Variants in PDE10A observed in about 807,000 individuals in gnomAD.
PDE10A encodes phosphodiesterase 10A, also known as cAMP and cAMP-inhibited cGMP 3',5'-cyclic phosphodiesterase 10A.
A neutral mutation model predicts 97.7 loss-of-function variants in PDE10A; 39 were observed. The ratio of observed to expected loss-of-function variants is 0.40; its 90% CI spans 0.31 to 0.52. The LOEUF (loss-of-function observed/expected upper bound fraction) is 0.52, where lower values mean the gene tolerates loss of function less well. Among genes scored for constraint, PDE10A ranks in the 20% least tolerant of loss-of-function variants. PDE10A has a pLI of 0.56. For missense variants in PDE10A, 731 were observed against 1,047.8 expected (o/e 0.70, Z 4.17); for synonymous variants, 371 against 376.8 (o/e 0.98, Z 0.18).
chr6:165,480,379 G>C (rs907000693), intron 3 of PDE10A, among the ~76,000 whole-genome samples: 11 of 151,996 alleles, frequency 7.2e-5, no homozygotes, highest in Non-Finnish European at 1.5e-4. Flanking sequence ...CTTGAGCCCA[G>C]GAGTTCAACA....
chr6:165,895,919 AG>A (rs1267680241), intron 1 of PDE10A, among the ~76,000 whole-genome samples: 1 of 152,116 alleles, frequency 6.6e-6, no homozygotes, highest in Non-Finnish European at 1.5e-5. Context: ...TCCCACCTCC[AG>A]GGATTTGACT....
chr6:165,735,339 T>A (rs1380766499), intron 1 of PDE10A, among the ~76,000 whole-genome samples: 1 of 148,412 alleles, frequency 6.7e-6, no homozygotes, highest in Non-Finnish European at 1.5e-5. Context: ...GGTAGGTTAG[T>A]AGATAGATGG....
At chr6:165,379,616 T>C (rs1033243122) in intron 17 of PDE10A, among the ~76,000 whole-genome samples, 1 of 152,160 alleles carries the variant, frequency 6.6e-6, no homozygotes, top group Non-Finnish European at 1.5e-5. Flanking sequence ...ATAACATCAT[T>C]TACTACCATA....
intron 1 of PDE10A, among the ~76,000 whole-genome samples, chr6:165,724,036 G>A (rs570634604): frequency 1.3e-5 from 2 of 152,284 alleles, no homozygotes; most frequent in South Asian, 4.2e-4. Flanking sequence ...CCAGTTAGTA[G>A]CATGCAATCC....
chr6:165,980,959 G>T (rs572390208), intron 1 of PDE10A, among the ~76,000 whole-genome samples: 1 of 152,024 alleles, frequency 6.6e-6, no homozygotes, highest in Non-Finnish European at 1.5e-5. Context: ...CCTGAGAAAC[G>T]TTTGTTCCAT....
chr6:165,799,727 T>G (rs1263878217), intron 1 of PDE10A, among the ~76,000 whole-genome samples: 1 of 152,194 alleles, frequency 6.6e-6, no homozygotes, highest in African/African-American at 2.4e-5. Flanking sequence ...TTATAACAAA[T>G]AAGTTCAGTA....
At chr6:165,498,153 T>A (rs963265793) in intron 2 of PDE10A, among the ~76,000 whole-genome samples, 1 of 151,856 alleles carries the variant, frequency 6.6e-6, no homozygotes, top group Admixed American at 6.6e-5. Flanking sequence ...GGCTCACAGC[T>A]GTAATCCCAG....
intron 10 of PDE10A, among the ~76,000 whole-genome samples, chr6:165,420,651 A>C (rs966478393): frequency 1.3e-5 from 2 of 152,246 alleles, no homozygotes; most frequent in Non-Finnish European, 2.9e-5. Context: ...TATTTGTTTA[A>C]AATCTGGATC....
chr6:165,633,730 C>A (rs1270936679), intron 1 of PDE10A, among the ~76,000 whole-genome samples: 1 of 151,822 alleles, frequency 6.6e-6, no homozygotes, highest in Non-Finnish European at 1.5e-5. Flanking sequence ...CAGGTTCAAG[C>A]AATTCTCATG....
intron 1 of PDE10A, among the ~76,000 whole-genome samples, chr6:165,730,002 T>A (rs1469762729): frequency 6.6e-6 from 1 of 152,280 alleles, no homozygotes; most frequent in South Asian, 2.1e-4. Flanking sequence ...CACCTGTATA[T>A]CAATCTTGAA....
chr6:165,903,409 G>C (rs1203792832), intron 1 of PDE10A, among the ~76,000 whole-genome samples: 8 of 152,188 alleles, frequency 5.3e-5, no homozygotes, highest in African/African-American at 1.9e-4. Flanking sequence ...AAAGTTGATA[G>C]AACTTCTTTA....
rs528895528 is a variant in PDE10A, at chr6:165,494,572, TAAAG to T, written c.995-12233_995-12230del. The stretch of plus-strand genomic sequence containing the variant: ...TATTTAATAAAGAAGAAATCCAGAA[TAAAG>T]AAAGGTGATCATTTAATGCCTATAT... On this transcript the variant is annotated intron_variant, in intron 2 of 21. Coordinates refer to ENST00000539869, the MANE Select transcript of PDE10A (RefSeq NM_001385079.1). Among the ~76,000 whole-genome samples, 94 of 150,494 alleles carry T rather than the reference TAAAG, an allele frequency of 6.2e-4. 1 individual carries two copies. The highest frequency in any genetic ancestry group is 1.7e-3 in the Admixed American group (25 of 15,078).
intron 1 of PDE10A, among the ~76,000 whole-genome samples, chr6:165,729,723 T>C (rs971757373): frequency 6.6e-6 from 1 of 151,996 alleles, no homozygotes; most frequent in Non-Finnish European, 1.5e-5. Flanking sequence ...AGAGCAAGCT[T>C]TGAAAGTCCT....
At chr6:165,637,641 G>T (rs1245044677) in intron 1 of PDE10A, among the ~76,000 whole-genome samples, 1 of 152,162 alleles carries the variant, frequency 6.6e-6, no homozygotes. Flanking sequence ...ATGTTAAGTG[G>T]CAAAAGGTTC....
chr6:165,638,186 C>A lies in PDE10A; in HGVS notation c.865+23761G>T, dbSNP rs561739840. Reference sequence around the variant, plus strand: ...CCTCTTACTTCCCACCACCCTCCCCCCACCAAAAAAGAAAAGAAAAAGTAT... The same window carrying A: ...CCTCTTACTTCCCACCACCCTCCCCACACCAAAAAAGAAAAGAAAAAGTAT... On this transcript the variant is annotated intron_variant, in intron 1 of 21. Transcript: ENST00000539869. Among the ~76,000 whole-genome samples the A allele has an allele frequency of 2.6e-5, 4 of 152,194 alleles. No homozygotes were observed. The South Asian group carries it at 6.2e-4, about 24-fold the overall frequency.
intron 10 of PDE10A, among the ~76,000 whole-genome samples, chr6:165,422,434 C>CAT (rs558577437): frequency 0.022 from 3,223 of 144,480 alleles, 376 homozygotes; most frequent in African/African-American, 0.075. Context: ...CACACATACG[C>CAT]ATACACACAT....
chr6:165,665,331 C>G (rs765637690), upstream of PDE10A, among the ~76,000 whole-genome samples: 6 of 152,236 alleles, frequency 3.9e-5, no homozygotes, highest in Non-Finnish European at 8.8e-5. Flanking sequence ...CACCCGTGCT[C>G]AGGTGGCTGC....
At chr6:165,600,843 C>A (rs528058180) in intron 1 of PDE10A, among the ~76,000 whole-genome samples, 1 of 151,936 alleles carries the variant, frequency 6.6e-6, no homozygotes, top group Admixed American at 6.5e-5. Flanking sequence ...TCAAGTCAGA[C>A]AGTGGTATTT....
chr6:165,626,244 C>T (rs895159370), intron 1 of PDE10A, among the ~76,000 whole-genome samples: 8 of 152,156 alleles, frequency 5.3e-5, no homozygotes, highest in African/African-American at 1.9e-4. Context: ...ACACAAAAGT[C>T]GAAAATGAAA....
Sources: gnomAD v4.1 joint callset for allele counts (sites outside exome capture counted in the v4.1 genomes callset) on GRCh38, gnomAD v4.1.1 for gene constraint, MANE v1.5 for transcripts, NCBI Gene and HGNC (gene_info 2026-07-23, HGNC 2026-07-21) for gene names.